The following KIAA0825 variants were observed in gnomAD, a reference collection of about 807,000 sequenced individuals.
KIAA0825 encodes the protein KIAA0825.
In KIAA0825, 119 loss-of-function variants were observed where a neutral mutation model predicts 147.6. The observed-to-expected ratio is 0.81, with a 90% CI of 0.69 to 0.94. The LOEUF is 0.94. Ranked by LOEUF, KIAA0825 falls within the 40% of genes least tolerant of loss-of-function variation. KIAA0825 has a pLI of 0.00. For synonymous variants in KIAA0825, 470 were observed against 518.1 expected, an observed-to-expected ratio of 0.91 and a Z score of 1.26; for missense variants, 1,381 against 1,472.7, an observed-to-expected ratio of 0.94 and a Z score of 1.02.
At chr5:94,399,486 G>A (rs1212030300) in intron 16 of KIAA0825, among the ~76,000 whole-genome samples, 1 of 152,044 alleles carries the variant, frequency 6.6e-6, no homozygotes, top group Non-Finnish European at 1.5e-5. Context: ...TAACGCTTAA[G>A]GCAAATTTCA....
chr5:94,273,908 GA>G (rs975292637), intron 20 of KIAA0825, among the ~76,000 whole-genome samples: 8 of 152,062 alleles, frequency 5.3e-5, no homozygotes, highest in Middle Eastern at 3.4e-3. Flanking sequence ...TATACAAGGA[GA>G]AAAAAATATT....
At chr5:94,507,740 A>C (rs907262102) in intron 5 of KIAA0825, among the ~76,000 whole-genome samples, 1 of 152,188 alleles carries the variant, frequency 6.6e-6, no homozygotes. Context: ...CTATATAAGG[A>C]AAAGCAGAAG....
At chr5:94,465,153 A>C (rs146318294) in intron 10 of KIAA0825, 94 bp from the exon 11 acceptor site, 125 of 1,190,700 alleles carry the variant, frequency 1.0e-4, no homozygotes, top group Admixed American at 3.4e-4. Context: ...CTGAAAGGAA[A>C]TAGCTAAAGA....
intron 1 of KIAA0825, among the ~76,000 whole-genome samples, chr5:94,587,471 G>A (rs1783525288): frequency 6.6e-6 from 1 of 152,066 alleles, no homozygotes. Flanking sequence ...AAATACCTAG[G>A]AATCCAGCTT....
chr5:94,428,813 C>T (rs557724437), intron 14 of KIAA0825, among the ~76,000 whole-genome samples: 3 of 152,222 alleles, frequency 2.0e-5, no homozygotes, highest in South Asian at 2.1e-4. Flanking sequence ...ACTTTTTCTC[C>T]ATCTCTCTCA....
intron 20 of KIAA0825, among the ~76,000 whole-genome samples, chr5:94,306,826 A>T (rs1217856998): frequency 3.3e-5 from 5 of 151,874 alleles, no homozygotes; most frequent in African/African-American, 4.8e-5. Context: ...TTGCCTTAAT[A>T]ACAAGTGAAG....
intron 17 of KIAA0825, 133 bp downstream of exon 17, chr5:94,395,968 A>G: frequency 5.2e-6 from 4 of 763,030 alleles, no homozygotes; most frequent in East Asian, 3.0e-5. Flanking sequence ...ATCTTTTTTT[A>G]TATTCATCAA....
At chr5:94,544,972 C>T (rs1053546327) in intron 2 of KIAA0825, among the ~76,000 whole-genome samples, 2 of 151,986 alleles carry the variant, frequency 1.3e-5, no homozygotes, top group Non-Finnish European at 2.9e-5. Flanking sequence ...ACATTGCTGA[C>T]GTCACCCTCC....
At chr5:94,425,213 A>G (rs1246839617) in intron 14 of KIAA0825, among the ~76,000 whole-genome samples, 1 of 152,196 alleles carries the variant, frequency 6.6e-6, no homozygotes, top group Non-Finnish European at 1.5e-5. Context: ...TCCCTAATGA[A>G]CATAAATGCA....
chr5:94,327,583 C>A (rs1026761358), intron 20 of KIAA0825, among the ~76,000 whole-genome samples: 1 of 152,110 alleles, frequency 6.6e-6, no homozygotes, highest in African/African-American at 2.4e-5. Context: ...GCACACTTGA[C>A]AACAATAAAA....
chr5:94,436,900 A>G (rs1399813806), intron 14 of KIAA0825, among the ~76,000 whole-genome samples: 1 of 152,120 alleles, frequency 6.6e-6, no homozygotes, highest in East Asian at 1.9e-4. Flanking sequence ...ATGGAAGTCC[A>G]TTCTTGATTT....
intron 1 of KIAA0825, among the ~76,000 whole-genome samples, chr5:94,608,481 A>AG (rs1554056911): frequency 2.4e-5 from 1 of 41,334 alleles, no homozygotes; most frequent in Non-Finnish European, 4.1e-5. Flanking sequence ...TATAATATAT[A>AG]TATATATATA....
intron 2 of KIAA0825, among the ~76,000 whole-genome samples, chr5:94,557,562 C>T (rs892111646): frequency 3.3e-5 from 5 of 152,052 alleles, no homozygotes; most frequent in Non-Finnish European, 7.4e-5. Context: ...ACTAAGAATC[C>T]CTAAGCCTAG....
rs867707962 is a variant in KIAA0825, at chr5:94,187,423, T to A, written c.3711-33299A>T. ...AGGAGTTTTTTTTTTTTTTTTTTTT[T>A]AATTTTTTTTTGTTTTGTTTTGAGA... On this transcript the variant is annotated intron_variant, in intron 20 of 20. Coordinates refer to ENST00000682413, the MANE Select transcript of KIAA0825 (RefSeq NM_001145678.3). Among the ~76,000 whole-genome samples, 289 of 141,670 alleles carry A rather than the reference T, an allele frequency of 2.0e-3. 3 individuals carry two copies. The highest frequency in any genetic ancestry group is 6.1e-3 in the African/African-American group (234 of 38,148). The allele number at this position is 141,670 out of a possible 152,430, so 92.9% of individuals were successfully genotyped here. A position where few individuals can be genotyped will look rare whatever the true frequency, so the allele number is the denominator to read the frequency against.
At chr5:94,244,081 C>A (rs1299664851) in intron 20 of KIAA0825, among the ~76,000 whole-genome samples, 1 of 152,134 alleles carries the variant, frequency 6.6e-6, no homozygotes, top group Non-Finnish European at 1.5e-5. Context: ...TGGTTCCAGC[C>A]AGGCTTCTGG....
intron 15 of KIAA0825, chr5:94,414,511 A>C (rs968628080): frequency 1.3e-5 from 2 of 152,152 alleles, no homozygotes; most frequent in African/African-American, 2.4e-5. Context: ...TTTTGTAGTA[A>C]TCTTAAGTGG....
chr5:94,604,608 T>C (rs900953482), intron 1 of KIAA0825, among the ~76,000 whole-genome samples: 1 of 151,938 alleles, frequency 6.6e-6, no homozygotes, highest in African/African-American at 2.4e-5. Context: ...TCAAAAATGA[T>C]ACAATTACAT....
At chr5:94,255,300 G>A (rs930948703) in intron 20 of KIAA0825, among the ~76,000 whole-genome samples, 2 of 151,748 alleles carry the variant, frequency 1.3e-5, no homozygotes, top group African/African-American at 4.8e-5. Flanking sequence ...ATTTTAGTTT[G>A]ATGTATTATA....
At chr5:94,614,823 G>A (rs1789969200) in intron 1 of KIAA0825, among the ~76,000 whole-genome samples, 1 of 152,114 alleles carries the variant, frequency 6.6e-6, no homozygotes. Flanking sequence ...GACTGTAAGT[G>A]AAAATATTCT....
Sources: allele counts gnomAD v4.1 joint callset (sites outside exome capture counted in the v4.1 genomes callset), GRCh38; gene constraint gnomAD v4.1.1; transcripts MANE v1.5; gene names NCBI Gene and HGNC (gene_info 2026-07-23, HGNC 2026-07-21).